USH2A: variants seen among roughly 807,000 people sequenced by gnomAD.
USH2A encodes the protein usherin.
In USH2A, 443 loss-of-function variants were observed where a neutral mutation model predicts 538.9. That is an observed-to-expected ratio of 0.82 (90% CI 0.76 to 0.89). The LOEUF (loss-of-function observed/expected upper bound fraction) is 0.89, where lower values mean the gene tolerates loss of function less well. Ranked by LOEUF, USH2A falls within the 40% of genes least tolerant of loss-of-function variation. USH2A has a pLI of 0.00. For synonymous variants in USH2A, 2,413 were observed against 2,273.5 expected, an observed-to-expected ratio of 1.06 and a Z score of -1.75; for missense variants, 6,633 against 6,324.8, an observed-to-expected ratio of 1.05 and a Z score of -1.65.
intron 22 of USH2A, among the ~76,000 whole-genome samples, chr1:216,092,897 T>C (rs552907823): frequency 1.3e-5 from 2 of 152,148 alleles, no homozygotes; most frequent in Non-Finnish European, 2.9e-5. Flanking sequence ...AGAGATTATT[T>C]CAGATAAAAA....
At chr1:216,383,866 CT>C (rs57494312) in intron 3 of USH2A, among the ~76,000 whole-genome samples, 177 of 134,872 alleles carry the variant, frequency 1.3e-3, no homozygotes, top group African/African-American at 1.5e-3. Context: ...TTCTTTCTTT[CT>C]TTTTTTTTTT....
At chr1:216,406,483 T>G (rs1227478252) in intron 3 of USH2A, among the ~76,000 whole-genome samples, 1 of 152,188 alleles carries the variant, frequency 6.6e-6, no homozygotes, top group African/African-American at 2.4e-5. Context: ...GACTTTTCTA[T>G]GTCAATCAGA....
intron 9 of USH2A, among the ~76,000 whole-genome samples, chr1:216,316,050 A>C (rs2037502749): frequency 6.6e-6 from 1 of 152,132 alleles, no homozygotes; most frequent in Admixed American, 6.6e-5. Flanking sequence ...TGAGTGAAGT[A>C]TTTATGGTAT....
intron 15 of USH2A, among the ~76,000 whole-genome samples, chr1:216,215,761 A>C (rs1424430147): frequency 6.6e-6 from 1 of 152,174 alleles, no homozygotes; most frequent in Non-Finnish European, 1.5e-5. Flanking sequence ...ACCAAAAGGA[A>C]TATGTCCAGG....
At chr1:215,734,885 G>T (rs1217352808) in intron 60 of USH2A, among the ~76,000 whole-genome samples, 1 of 152,180 alleles carries the variant, frequency 6.6e-6, no homozygotes, top group Non-Finnish European at 1.5e-5. Context: ...CATTTAACCA[G>T]TCTCTAAGAA....
chr1:216,055,697 C>T (rs2030952281), intron 30 of USH2A, among the ~76,000 whole-genome samples: 1 of 152,038 alleles, frequency 6.6e-6, no homozygotes, highest in African/African-American at 2.4e-5. Flanking sequence ...TGGTTCTTAG[C>T]CCAGGAGGGT....
intron 38 of USH2A, among the ~76,000 whole-genome samples, chr1:215,923,390 C>T (rs1314044318): frequency 6.6e-6 from 1 of 152,096 alleles, no homozygotes; most frequent in Non-Finnish European, 1.5e-5. Context: ...TCCTTGCTGA[C>T]TAAATTTCTC....
At chr1:216,017,024 C>T (rs1370375466) in intron 32 of USH2A, among the ~76,000 whole-genome samples, 3 of 152,066 alleles carry the variant, frequency 2.0e-5, no homozygotes, top group African/African-American at 7.2e-5. Context: ...TAGCTAGCTG[C>T]CTTCTACTCT....
At chr1:215,780,177 T>C in intron 54 of USH2A, 136 bp from the exon 55 acceptor site, 2 of 923,866 alleles carry the variant, frequency 2.2e-6, no homozygotes, top group South Asian at 3.1e-5. Flanking sequence ...AGCATTTCCC[T>C]TTTTTTTCAT....
chr1:216,242,996 A>T lies in USH2A; in HGVS notation c.2809+3589T>A, dbSNP rs557674425. On this transcript the variant is annotated intron_variant, in intron 13 of 71. Coordinates refer to ENST00000307340, the MANE Select transcript of USH2A (RefSeq NM_206933.4). ...CCCAGAAGAAAATGATTTCTCAGTA[A>T]GAGAAATGTTTATCTATATGAAAAT... 2.0e-5 allele frequency among the ~76,000 whole-genome samples: 3 copies of T among 151,236 alleles called. No individual in the cohort carries two copies. In the South Asian group the frequency reaches 6.2e-4, roughly 31 times the overall value.
At chr1:216,309,765 AT>A in intron 9 of USH2A, among the ~76,000 whole-genome samples, 1 of 152,158 alleles carries the variant, frequency 6.6e-6, no homozygotes, top group Non-Finnish European at 1.5e-5. Flanking sequence ...TGGATGCTTG[AT>A]TTTGTCAAAT....
At chr1:215,866,260 G>T (rs1321901169) in intron 44 of USH2A, among the ~76,000 whole-genome samples, 1 of 152,108 alleles carries the variant, frequency 6.6e-6, no homozygotes, top group Non-Finnish European at 1.5e-5. Context: ...CAAATTAACA[G>T]ATCACAACAA....
intron 36 of USH2A, among the ~76,000 whole-genome samples, chr1:215,966,002 C>T (rs950456083): frequency 3.3e-5 from 5 of 151,708 alleles, no homozygotes; most frequent in African/African-American, 9.7e-5. Context: ...CGCACACACA[C>T]GCAAAATTTT....
chr1:215,995,854 A>C (rs987105698), intron 34 of USH2A, among the ~76,000 whole-genome samples: 2 of 152,160 alleles, frequency 1.3e-5, no homozygotes, highest in African/African-American at 4.8e-5. Flanking sequence ...ATAAATAATA[A>C]AATTTTATCA....
chr1:216,200,418 G>T (rs887621964), intron 16 of USH2A, among the ~76,000 whole-genome samples: 1 of 152,050 alleles, frequency 6.6e-6, no homozygotes. Flanking sequence ...AAGTCCTTGC[G>T]GTTCTCCAAA....
At position 215,717,966 on chromosome 1, in the gene USH2A, T is replaced by C. The variant is rs529007943; in HGVS notation, c.12066+10064A>G. On this transcript the variant is annotated intron_variant, in intron 61 of 71. Transcript: ENST00000307340. ...AATTTGGGATCCAAAGTACGTGGCATCCAGAAATTCTAATTTATGTGTAGT... is the reference window on the plus strand; with the variant it reads ...AATTTGGGATCCAAAGTACGTGGCACCCAGAAATTCTAATTTATGTGTAGT... Among the ~76,000 whole-genome samples, 7 of 152,294 alleles carry C rather than the reference T, an allele frequency of 4.6e-5. No homozygotes were observed. In the East Asian group the frequency reaches 1.3e-3, roughly 29 times the overall value.
rs926369022 is a variant in USH2A, at chr1:215,792,921, T to A, written c.9959-2639A>T. ...TTTGTACAAAAGGTGGAGTGTGTCT[T>A]TGAACAAAATGCAGATGTTAGTAAA... On this transcript the variant is annotated intron_variant, in intron 50 of 71. Coordinates refer to ENST00000307340, the MANE Select transcript of USH2A (RefSeq NM_206933.4). Among the ~76,000 whole-genome samples the A allele has an allele frequency of 2.0e-5, 3 of 152,324 alleles. No individual in the cohort carries two copies. In the South Asian group the frequency reaches 6.2e-4, roughly 32 times the overall value.
intron 32 of USH2A, among the ~76,000 whole-genome samples, chr1:216,003,576 A>G (rs1276551532): frequency 2.0e-5 from 3 of 152,090 alleles, no homozygotes; most frequent in Admixed American, 2.0e-4. Flanking sequence ...GGGAACAAGC[A>G]GAGCAAAGCT....
In USH2A at chr1:216,306,826, C is replaced by T. The variant is rs533960424; in HGVS notation, c.1645-14456G>A. Among the ~76,000 whole-genome samples the T allele has an allele frequency of 8.5e-5, 13 of 152,292 alleles. No individual in the cohort carries two copies. In the East Asian group the frequency reaches 2.5e-3, roughly 30 times the overall value. ...TTCTGGATCTAGCCACCCAGTGGAG[C>T]TAGCAGCCTCCAGACTGGTAGTGGG... is the stretch of plus-strand genomic sequence containing the variant. On this transcript the variant is annotated intron_variant, in intron 9 of 71. Coordinates refer to ENST00000307340, the MANE Select transcript of USH2A (RefSeq NM_206933.4).
Sources: gnomAD v4.1 joint callset for allele counts (sites outside exome capture counted in the v4.1 genomes callset) on GRCh38, gnomAD v4.1.1 for gene constraint, MANE v1.5 for transcripts, NCBI Gene and HGNC (gene_info 2026-07-23, HGNC 2026-07-21) for gene names.